NXN: variants seen among roughly 807,000 people sequenced by gnomAD.
The protein encoded by NXN is nucleoredoxin.
A neutral mutation model predicts 48.6 loss-of-function variants in NXN; 16 were observed. That is an observed-to-expected ratio of 0.33 (90% CI 0.22 to 0.50). NXN has a LOEUF of 0.50. Among genes scored for constraint, NXN ranks in the 20% least tolerant of loss-of-function variants. The pLI is 0.98. For synonymous variants in NXN, 281 were observed against 269.6 expected (o/e 1.04, Z -0.41); for missense variants, 492 against 605.5 (o/e 0.81, Z 1.97).
intron 1 of NXN, among the ~76,000 whole-genome samples, chr17:845,180 GAGAGAGAATTCCACCCTTCT>G (rs71371585): frequency 0.36 from 54,174 of 149,880 alleles, 11,559 homozygotes; most frequent in African/African-American, 0.59. Context: ...AATTGAGAGT[GAGAGAGAATTCCACCCTTCT>G]AGAGAGAATT....
At position 872,476 on chromosome 17, in the gene NXN, GGAGA is replaced by G. The variant is rs370655394; in HGVS notation, c.361-46402_361-46399del. On this transcript the variant is annotated intron_variant, in intron 1 of 7. Transcript: ENST00000336868. ...AGAGAAACACATCAATCAAAGGCAA[GGAGA>G]GAGAGTGTGTTTGAGGAAACACCAG... Among the ~76,000 whole-genome samples, 473 of 149,684 alleles carry G rather than the reference GGAGA, an allele frequency of 3.2e-3. 2 individuals are homozygous for G. The highest frequency in any genetic ancestry group is 0.01 in the African/African-American group (426 of 40,782).
chr17:950,801 A>G (rs75580244), intron 1 of NXN, among the ~76,000 whole-genome samples: 1 of 151,990 alleles, frequency 6.6e-6, no homozygotes, highest in African/African-American at 2.4e-5. Context: ...CCAAGATGTT[A>G]GCAGGGGAAA....
chr17:949,621 C>T (rs537588445), intron 1 of NXN, among the ~76,000 whole-genome samples: 2 of 3,088 alleles, frequency 6.5e-4, no homozygotes, highest in Non-Finnish European at 1.3e-3. Flanking sequence ...CCTCTCCCCG[C>T]GGCCTCCTCC....
At chr17:952,087 T>A (rs1472405870) in intron 1 of NXN, among the ~76,000 whole-genome samples, 2 of 151,506 alleles carry the variant, frequency 1.3e-5, no homozygotes, top group Non-Finnish European at 2.9e-5. Flanking sequence ...GTGGTTGTGG[T>A]TTTTGTGGTC....
chr17:869,376 C>T (rs1018019901), intron 1 of NXN, among the ~76,000 whole-genome samples: 1 of 152,046 alleles, frequency 6.6e-6, no homozygotes, highest in African/African-American at 2.4e-5. Flanking sequence ...CCAGGAGCCC[C>T]GACAAGCGAC....
chr17:967,929 G>A (rs1012088699), intron 1 of NXN, among the ~76,000 whole-genome samples: 1 of 151,266 alleles, frequency 6.6e-6, no homozygotes, highest in East Asian at 1.9e-4. Flanking sequence ...CTGAGATCGC[G>A]CCACTGTACT....
intron 1 of NXN, among the ~76,000 whole-genome samples, chr17:836,678 C>A (rs1446187058): frequency 6.6e-6 from 1 of 152,188 alleles, no homozygotes; most frequent in East Asian, 1.9e-4. Flanking sequence ...CGTCTCTTGG[C>A]TTCCTCAGCT....
chr17:833,687 C>T (rs12938297), intron 1 of NXN, among the ~76,000 whole-genome samples: 7,019 of 152,142 alleles, frequency 0.046, 196 homozygotes, highest in East Asian at 0.14. Context: ...AGCCTGTTAG[C>T]GGAAACTGAT....
Position 805,239 on chromosome 17 carries a change from T to C in NXN, c.829A>G (p.Thr277Ala). ...CCCTGCGGGTCCAGCATGATGAGCG[T>C]GGGGATGCCTGCAGGGAAGAGGGGG... ...NRLYGIQGIP[T>A]LIMLDPQGEV... is the part of the protein sequence containing the mutation. Residue 277 changes from threonine to alanine, a missense_variant, in exon 6 of 8, where the codon ACG becomes GCG. Thr to Ala is a moderately conservative substitution (Grantham distance 58). This residue lies in a region of NXN where 303 missense variants were observed against 388.3 expected (regional missense o/e 0.78). Coordinates refer to ENST00000336868, the MANE Select transcript of NXN (RefSeq NM_022463.5). 1 of 1,609,762 alleles carries C rather than the reference T, an allele frequency of 6.2e-7. No individual in the cohort carries two copies. The highest frequency in any genetic ancestry group is 8.5e-7 in the Non-Finnish European group (1 of 1,178,518).
chr17:826,321 C>T (rs1197779112), intron 1 of NXN, among the ~76,000 whole-genome samples: 1 of 152,084 alleles, frequency 6.6e-6, no homozygotes, highest in Non-Finnish European at 1.5e-5. Context: ...CACTGCCCCC[C>T]GGGGTCTGCG....
At chr17:893,285 T>C (rs549623467) in intron 1 of NXN, among the ~76,000 whole-genome samples, 1 of 152,280 alleles carries the variant, frequency 6.6e-6, no homozygotes, top group Admixed American at 6.5e-5. Flanking sequence ...GACACTCCTC[T>C]GGGGGATAAT....
At chr17:821,932 C>T (rs1253086871) in intron 4 of NXN, among the ~76,000 whole-genome samples, 1 of 151,736 alleles carries the variant, frequency 6.6e-6, no homozygotes, top group Admixed American at 6.6e-5. Flanking sequence ...ATTGGGACAT[C>T]CCCCAGTATT....
intron 1 of NXN, among the ~76,000 whole-genome samples, chr17:853,723 A>ATATATATATATATATTTTT (rs1491528474): frequency 3.8e-5 from 4 of 105,996 alleles, no homozygotes; most frequent in Non-Finnish European, 7.1e-5. Context: ...ATATATATAT[A>ATATATATATATATATTTTT]TTTTTTTTTT....
At chr17:944,143 A>G (rs943839115) in intron 1 of NXN, among the ~76,000 whole-genome samples, 3 of 151,770 alleles carry the variant, frequency 2.0e-5, no homozygotes, top group African/African-American at 7.3e-5. Context: ...GGAGGCTGAG[A>G]CAGGAGAATT....
chr17:951,171 T>C (rs2069104954), intron 1 of NXN, among the ~76,000 whole-genome samples: 1 of 44,530 alleles, frequency 2.2e-5, no homozygotes, highest in African/African-American at 8.8e-5. Flanking sequence ...ACCCTGTCTC[T>C]ACTTAAAAAA....
intron 1 of NXN, among the ~76,000 whole-genome samples, chr17:921,787 G>A (rs1478993764): frequency 6.8e-5 from 10 of 147,364 alleles, no homozygotes; most frequent in African/African-American, 2.0e-4. Context: ...GACAACACCT[G>A]GCCGGCCCAG....
intron 5 of NXN, among the ~76,000 whole-genome samples, chr17:815,776 C>T (rs1470916129): frequency 6.6e-6 from 1 of 152,220 alleles, no homozygotes; most frequent in East Asian, 1.9e-4. Flanking sequence ...TTGGCCTGAA[C>T]GTTTAACGTG....
chr17:829,139 CCT>C (rs1913308015), intron 1 of NXN, among the ~76,000 whole-genome samples: 1 of 148,924 alleles, frequency 6.7e-6, no homozygotes, highest in South Asian at 2.1e-4. Flanking sequence ...TGTTGCTTAT[CCT>C]TTTTTTTTTT....
In NXN at chr17:951,350, G is replaced by GAA. The variant is rs34601121; in HGVS notation, c.360+27967_360+27968dup. 4.6e-4 allele frequency among the ~76,000 whole-genome samples: 60 copies of GAA among 130,060 alleles called. 1 individual carries two copies. The highest frequency in any genetic ancestry group is 4.0e-3 in the Middle Eastern group (1 of 248). The allele number at this position is 130,060 out of a possible 152,430, so 85.3% of individuals were successfully genotyped here. On this transcript the variant is annotated intron_variant, in intron 1 of 7. Coordinates refer to ENST00000336868, the MANE Select transcript of NXN (RefSeq NM_022463.5). The stretch of plus-strand genomic sequence containing the variant: ...GAGTGACAGAGTGAGACTCCATCTC[G>GAA]AAAAAAAAAAAAAAGACTGAACAGC...
Sources: gnomAD v4.1 joint callset for allele counts (sites outside exome capture counted in the v4.1 genomes callset) on GRCh38, gnomAD v4.1.1 for gene constraint, gnomAD v4.1.1 regional missense constraint, MANE v1.5 for transcripts, NCBI Gene and HGNC (gene_info 2026-07-23, HGNC 2026-07-21) for gene names.